Variants in ATP2B2 observed in about 807,000 individuals in gnomAD.
ATP2B2 encodes ATPase plasma membrane Ca2+ transporting 2, also known as plasma membrane calcium-transporting ATPase 2.
A neutral mutation model predicts 120.0 loss-of-function variants in ATP2B2; 15 were observed. That is an observed-to-expected ratio of 0.12 (90% CI 0.08 to 0.19). ATP2B2 has a LOEUF of 0.19. Ranked by LOEUF, ATP2B2 falls within the 10% of genes least tolerant of loss-of-function variation. The pLI is 1.00. For missense variants in ATP2B2, 1,045 were observed against 1,719.8 expected, an observed-to-expected ratio of 0.61 and a Z score of 6.94; for synonymous variants, 694 against 700.3, an observed-to-expected ratio of 0.99 and a Z score of 0.14.
intron 2 of ATP2B2, among the ~76,000 whole-genome samples, chr3:10,444,787 T>G (rs1043307886): frequency 1.3e-5 from 2 of 152,266 alleles, no homozygotes; most frequent in African/African-American, 4.8e-5. Flanking sequence ...TGGAGCCATC[T>G]GCTCCATGGG....
intron 3 of ATP2B2, among the ~76,000 whole-genome samples, chr3:10,405,289 A>G (rs1334493865): frequency 6.6e-6 from 1 of 152,162 alleles, no homozygotes; most frequent in African/African-American, 2.4e-5. Context: ...TCCAACTCCC[A>G]GCCCTACCTG....
At chr3:10,565,513 C>A (rs1284123916) in intron 2 of ATP2B2, among the ~76,000 whole-genome samples, 2 of 152,184 alleles carry the variant, frequency 1.3e-5, no homozygotes, top group Admixed American at 1.3e-4. Context: ...TAGACTACTG[C>A]AACAGCCTCT....
chr3:10,353,495 C>T (rs1001094851), intron 14 of ATP2B2, among the ~76,000 whole-genome samples: 1 of 152,332 alleles, frequency 6.6e-6, no homozygotes, highest in Admixed American at 6.5e-5. Flanking sequence ...GCCTGAGGGC[C>T]ACGCTGCAGG....
At chr3:10,664,506 G>C (rs1306646460) in intron 1 of ATP2B2, among the ~76,000 whole-genome samples, 2 of 152,120 alleles carry the variant, frequency 1.3e-5, no homozygotes, top group Admixed American at 1.3e-4. Context: ...TCACTCGAAG[G>C]CACCTCTGGA....
intron 2 of ATP2B2, among the ~76,000 whole-genome samples, chr3:10,558,411 G>A (rs6804266): frequency 0.056 from 8,477 of 152,164 alleles, 389 homozygotes; most frequent in African/African-American, 0.13. Flanking sequence ...TTTTCTGCTC[G>A]GTTGGCTAAG....
chr3:10,468,113 C>T (rs73018788), intron 1 of ATP2B2, among the ~76,000 whole-genome samples: 7 of 152,140 alleles, frequency 4.6e-5, no homozygotes, highest in South Asian at 2.1e-4. Context: ...AAGTGGGAGG[C>T]GGGGTTCTGG....
chr3:10,502,551 C>A (rs1559421047), intron 1 of ATP2B2, among the ~76,000 whole-genome samples: 1 of 152,214 alleles, frequency 6.6e-6, no homozygotes, highest in Non-Finnish European at 1.5e-5. Flanking sequence ...TGACCTTGGA[C>A]AAGTCCCTGT....
intron 1 of ATP2B2, among the ~76,000 whole-genome samples, chr3:10,503,934 C>T (rs998325020): frequency 2.0e-5 from 3 of 152,188 alleles, no homozygotes; most frequent in Non-Finnish European, 2.9e-5. Context: ...GTGTTTTGCA[C>T]GTGAGCATGT....
At position 10,402,139 on chromosome 3, in the gene ATP2B2, T is replaced by C; in HGVS notation, c.607A>G (p.Ile203Val). 7 of 1,614,178 alleles carry C rather than the reference T, an allele frequency of 4.3e-6. No homozygotes were observed. The highest frequency in any genetic ancestry group is 5.9e-6 in the Non-Finnish European group (7 of 1,180,048). The change falls in exon 4 of 23, where the codon ATC becomes GTC. Residue 203 changes from isoleucine (I) to valine (V), a missense_variant. Ile to Val is a conservative substitution (Grantham distance 29). Coordinates refer to ENST00000360273, the MANE Select transcript of ATP2B2 (RefSeq NM_001001331.4). The surrounding 1 kb of genome is among the most constrained non-coding windows in gnomAD (Gnocchi z 4.9). ...CCAACCACGATCTCAGCCACAGGGATCTGGACCACCTGGCCAGCCCGGACC... is the reference window on the plus strand; with the variant it reads ...CCAACCACGATCTCAGCCACAGGGACCTGGACCACCTGGCCAGCCCGGACC... ...TVVRAGQVVQ[I>V]PVAEIVVGDI...
chr3:10,699,799 T>C (rs1329998771), intron 1 of ATP2B2, among the ~76,000 whole-genome samples: 1 of 152,142 alleles, frequency 6.6e-6, no homozygotes, highest in East Asian at 1.9e-4. Context: ...GGGTTTGTTT[T>C]AAAAGTGAGT....
chr3:10,378,346 G>T lies in ATP2B2; in HGVS notation c.1107C>A (p.Asp369Glu), dbSNP rs752033239. Reference sequence around the variant, plus strand: ...TGCTGGCCTTCTTCCTGTCGTCAGCGTCGCCGCCCTCGGCACTCTTGAGGG... The same window carrying T: ...TGCTGGCCTTCTTCCTGTCGTCAGCTTCGCCGCCCTCGGCACTCTTGAGGG... ...MQPLKSAEGG[D>E]ADDRKKASMH... The change falls in exon 10 of 23, where the codon GAC (aspartate) becomes GAA (glutamate). Residue 369 changes from aspartate (D) to glutamate (E), a missense_variant. Around this residue, in one of 11 missense-constraint regions of ATP2B2, gnomAD observed 145 missense variants for 202.0 expected, o/e 0.72. Coordinates refer to ENST00000360273, the MANE Select transcript of ATP2B2 (RefSeq NM_001001331.4). The T allele has an allele frequency of 2.6e-5, 42 of 1,607,594 alleles. No individual in the cohort carries two copies. Among genetic ancestry groups the T allele is most frequent in the Middle Eastern group, 3.3e-4 (2 of 6,066 alleles).
intron 2 of ATP2B2, among the ~76,000 whole-genome samples, chr3:10,616,494 C>T (rs1240783728): frequency 6.6e-6 from 1 of 152,140 alleles, no homozygotes; most frequent in African/African-American, 2.4e-5. Flanking sequence ...GTTATGGCAG[C>T]CCTAACATGA....
At chr3:10,625,918 C>T (rs1044285290) in intron 1 of ATP2B2, 1 of 152,230 alleles carries the variant, frequency 6.6e-6, no homozygotes, top group Non-Finnish European at 1.5e-5. Flanking sequence ...TTAATAGCAT[C>T]AGCAGTCTGC....
At chr3:10,541,916 AT>A (rs2067448988) in intron 2 of ATP2B2, among the ~76,000 whole-genome samples, 1 of 151,962 alleles carries the variant, frequency 6.6e-6, no homozygotes. Flanking sequence ...TGCCTTACAT[AT>A]TTTACAGGTC....
At chr3:10,680,724 C>T (rs542935665) in intron 1 of ATP2B2, among the ~76,000 whole-genome samples, 8 of 152,310 alleles carry the variant, frequency 5.3e-5, no homozygotes, top group Non-Finnish European at 4.4e-5. Flanking sequence ...GCATAGCTCC[C>T]TGGGATGTAT....
intron 2 of ATP2B2, among the ~76,000 whole-genome samples, chr3:10,443,753 A>C (rs1246803875): frequency 6.6e-6 from 1 of 152,206 alleles, no homozygotes; most frequent in Non-Finnish European, 1.5e-5. Flanking sequence ...AGCCAGTTCG[A>C]GATGGGTTTC....
chr3:10,676,608 G>A (rs2071251717), intron 1 of ATP2B2, among the ~76,000 whole-genome samples: 1 of 152,068 alleles, frequency 6.6e-6, no homozygotes, highest in Non-Finnish European at 1.5e-5. Flanking sequence ...TCATATTCCT[G>A]GCACCCAGTA....
At chr3:10,565,230 AG>A (rs2067985446) in intron 2 of ATP2B2, among the ~76,000 whole-genome samples, 1 of 152,220 alleles carries the variant, frequency 6.6e-6, no homozygotes, top group Non-Finnish European at 1.5e-5. Flanking sequence ...CCCTAGAAAA[AG>A]TTTTCTACCC....
intron 3 of ATP2B2, among the ~76,000 whole-genome samples, chr3:10,528,453 A>G (rs575764508): frequency 2.0e-5 from 3 of 152,298 alleles, no homozygotes; most frequent in Non-Finnish European, 4.4e-5. Flanking sequence ...CTTGTGCCCT[A>G]TAATGTGCCT....
Sources: allele counts gnomAD v4.1 joint callset (sites outside exome capture counted in the v4.1 genomes callset), GRCh38; gene constraint gnomAD v4.1.1; regional missense constraint gnomAD v4.1.1; non-coding constraint Gnocchi (gnomAD v3.1); transcripts MANE v1.5; gene names NCBI Gene and HGNC (gene_info 2026-07-23, HGNC 2026-07-21).